Variants in SLC44A1 observed in about 807,000 individuals in gnomAD.
The protein encoded by SLC44A1 is solute carrier family 44 member 1, also known as choline transporter-like protein 1.
SLC44A1 carries 26 observed loss-of-function variants against 79.3 expected under a neutral mutation model. The observed-to-expected ratio is 0.33, with a 90% CI of 0.24 to 0.46. The LOEUF is 0.46. Ranked by LOEUF, SLC44A1 falls within the 20% of genes least tolerant of loss-of-function variation. The pLI is 1.00. For synonymous variants in SLC44A1, 263 were observed against 286.2 expected, an observed-to-expected ratio of 0.92 and a Z score of 0.82; for missense variants, 688 against 798.1, an observed-to-expected ratio of 0.86 and a Z score of 1.66.
chr9:105,404,958 C>G (rs372843792), intron 15 of SLC44A1, among the ~76,000 whole-genome samples: 1 of 152,120 alleles, frequency 6.6e-6, no homozygotes, highest in Non-Finnish European at 1.5e-5. Flanking sequence ...GTACCTACTA[C>G]GTGTTAGAAG....
Position 105,396,486 on chromosome 9 carries a change from A to G in SLC44A1, c.*7430A>G. The G allele has an allele frequency of 1.0e-6, 1 of 985,432 alleles. No individual in the cohort carries two copies. Among genetic ancestry groups the G allele is most frequent in the Non-Finnish European group, 1.2e-6 (1 of 829,912 alleles). The allele number at this position is 985,432 out of a possible 1,614,324, so 61.0% of individuals were successfully genotyped here. A position where few individuals can be genotyped will look rare whatever the true frequency, so the allele number is the denominator to read the frequency against. On this transcript the variant is annotated 3_prime_UTR_variant, in exon 16 of 16. Coordinates refer to ENST00000374720, the MANE Select transcript of SLC44A1 (RefSeq NM_080546.5). ...CCTTTCTGAACTCCTTGAGTTTAGA[A>G]TAGAGCTCCTAGAATAATAAGGCGG...
chr9:105,325,345 G>T (rs933703665), intron 3 of SLC44A1, among the ~76,000 whole-genome samples: 6 of 152,226 alleles, frequency 3.9e-5, no homozygotes, highest in African/African-American at 1.4e-4. Context: ...CTGGGGAGTA[G>T]TTGGACATGG....
At chr9:105,368,405 GTC>G (rs1022579175) in intron 12 of SLC44A1, among the ~76,000 whole-genome samples, 39 of 152,296 alleles carry the variant, frequency 2.6e-4, no homozygotes, top group African/African-American at 8.2e-4. Context: ...AGAGCTTCAT[GTC>G]TCCTGGGCTC....
chr9:105,303,655 A>G lies in SLC44A1; in HGVS notation c.126+4346A>G, dbSNP rs551912128. On this transcript the variant is annotated intron_variant, in intron 2 of 15. Coordinates refer to ENST00000374720, the MANE Select transcript of SLC44A1 (RefSeq NM_080546.5). The stretch of plus-strand genomic sequence containing the variant: ...ATAGAGATAAGCTCAATAACTGTCT[A>G]AGATTACATAGTGGCAGCACTGAAC... Among the ~76,000 whole-genome samples, 4 of 152,342 alleles carry G rather than the reference A, an allele frequency of 2.6e-5. No homozygotes were observed. The South Asian group carries it at 6.2e-4, about 24-fold the overall frequency.
Position 105,392,568 on chromosome 9 carries a change from T to A in SLC44A1, c.*3512T>A. ...GGGGTATGAGGCACTGACCCCTTTATTCTGGACCCAAACTGCTTTAGAGCA... is the reference window on the plus strand; with the variant it reads ...GGGGTATGAGGCACTGACCCCTTTAATCTGGACCCAAACTGCTTTAGAGCA... On this transcript the variant is annotated 3_prime_UTR_variant, in exon 16 of 16. Transcript: ENST00000374720. The A allele has an allele frequency of 1.0e-6, 1 of 985,392 alleles. No individual in the cohort carries two copies. The highest frequency in any genetic ancestry group is 1.2e-6 in the Non-Finnish European group (1 of 829,940). The allele number at this position is 985,392 out of a possible 1,614,324, so 61.0% of individuals were successfully genotyped here.
intron 1 of SLC44A1, among the ~76,000 whole-genome samples, chr9:105,258,837 A>T (rs1371382962): frequency 6.6e-6 from 1 of 151,180 alleles, no homozygotes; most frequent in South Asian, 2.1e-4. Flanking sequence ...ATAGGCGCCA[A>T]CCACAACACC....
Position 105,389,361 on chromosome 9 carries a change from A to C in SLC44A1, c.*305A>C, listed in dbSNP as rs558041846. 1.6e-4 allele frequency: 178 copies of C among 1,097,322 alleles called. No individual in the cohort carries two copies. In the African/African-American group the frequency reaches 2.8e-3, roughly 17 times the overall value. 68.0% of individuals were successfully genotyped at this position (1,097,322 alleles called of 1,614,324 possible). A position where few individuals can be genotyped will look rare whatever the true frequency, so the allele number is the denominator to read the frequency against. On this transcript the variant is annotated 3_prime_UTR_variant, in exon 16 of 16. Transcript: ENST00000374720. ...ATGGAAATGTTAAAATTCATATCTG[A>C]TTAACATTTTTAATAACTTAGAGGA...
chr9:105,354,558 A>G (rs1827560733), intron 5 of SLC44A1, among the ~76,000 whole-genome samples: 1 of 152,198 alleles, frequency 6.6e-6, no homozygotes. Context: ...ATTAACTTTC[A>G]CTAATACCAT....
chr9:105,375,095 A>G (rs1370676186), intron 13 of SLC44A1, among the ~76,000 whole-genome samples: 1 of 152,178 alleles, frequency 6.6e-6, no homozygotes, highest in African/African-American at 2.4e-5. Flanking sequence ...AGGCTGGAAT[A>G]CAATGGTGCT....
chr9:105,357,909 A>G (rs35533765), intron 6 of SLC44A1, among the ~76,000 whole-genome samples: 2,254 of 152,352 alleles, frequency 0.015, 24 homozygotes, highest in Non-Finnish European at 0.023. Flanking sequence ...CCTGAAATAC[A>G]TAGATTACTC....
intron 1 of SLC44A1, among the ~76,000 whole-genome samples, chr9:105,282,506 A>G (rs1263516339): frequency 2.0e-5 from 3 of 151,814 alleles, no homozygotes; most frequent in Non-Finnish European, 4.4e-5. Flanking sequence ...CCTCTGTGTT[A>G]TTTCCTTCTC....
intron 15 of SLC44A1, among the ~76,000 whole-genome samples, chr9:105,426,384 A>C (rs941629873): frequency 6.6e-5 from 10 of 152,218 alleles, no homozygotes; most frequent in Non-Finnish European, 1.3e-4. Flanking sequence ...TATATTTTAC[A>C]GTTCTTGTTT....
chr9:105,334,771 G>T (rs925549108), intron 3 of SLC44A1, among the ~76,000 whole-genome samples: 2 of 152,108 alleles, frequency 1.3e-5, no homozygotes, highest in East Asian at 3.8e-4. Context: ...ATGCTTTGGC[G>T]TGCTTTCTAA....
chr9:105,414,255 C>T (rs1438284907), intron 15 of SLC44A1, among the ~76,000 whole-genome samples: 1 of 152,008 alleles, frequency 6.6e-6, no homozygotes, highest in Non-Finnish European at 1.5e-5. Context: ...TGGGGTTTCA[C>T]TGTGTTAGCC....
intron 3 of SLC44A1, among the ~76,000 whole-genome samples, chr9:105,314,581 T>C (rs988008148): frequency 7.9e-5 from 12 of 152,226 alleles, no homozygotes; most frequent in African/African-American, 2.9e-4. Context: ...TTTTATCTTC[T>C]TGTCTTTCTT....
intron 5 of SLC44A1, among the ~76,000 whole-genome samples, chr9:105,351,632 G>GAGAAAGAAAGAAAGAAAGAA (rs55635937): frequency 0.09 from 9,099 of 101,070 alleles, 823 homozygotes; most frequent in East Asian, 0.11. Flanking sequence ...GAGAGAGAAA[G>GAGAAAGAAAGAAAGAAAGAA]AGAAAGAAAG....
At chr9:105,372,128 T>G (rs1215738062) in intron 12 of SLC44A1, among the ~76,000 whole-genome samples, 2 of 152,214 alleles carry the variant, frequency 1.3e-5, no homozygotes, top group African/African-American at 4.8e-5. Context: ...AGGTGGATGC[T>G]AACAGAAACA....
At chr9:105,347,708 CTT>C (rs1197178016) in intron 4 of SLC44A1, among the ~76,000 whole-genome samples, 1 of 151,856 alleles carries the variant, frequency 6.6e-6, no homozygotes, top group African/African-American at 2.4e-5. Flanking sequence ...TTTAAGCTGT[CTT>C]AAACTCTGAA....
chr9:105,390,348 A>C lies in SLC44A1; in HGVS notation c.*1292A>C. ...AACTCCTTTTTGTTACAATTTTTTT[A>C]AAAAAAGCTATTTTTGTTAATGTAA... On this transcript the variant is annotated 3_prime_UTR_variant, in exon 16 of 16. Coordinates refer to ENST00000374720, the MANE Select transcript of SLC44A1 (RefSeq NM_080546.5). The C allele has an allele frequency of 1.0e-6, 1 of 978,764 alleles. No individual in the cohort carries two copies. The highest frequency in any genetic ancestry group is 4.7e-5 in the South Asian group (1 of 21,072). The allele number at this position is 978,764 out of a possible 1,614,324, so 60.6% of individuals were successfully genotyped here.
Sources: gnomAD v4.1 joint callset for allele counts (sites outside exome capture counted in the v4.1 genomes callset) on GRCh38, gnomAD v4.1.1 for gene constraint, MANE v1.5 for transcripts, NCBI Gene and HGNC (gene_info 2026-07-23, HGNC 2026-07-21) for gene names.